The following SLC38A4 variants were observed in gnomAD, a reference collection of about 807,000 sequenced individuals.
SLC38A4 encodes the protein solute carrier family 38 member 4, also known as sodium-coupled neutral amino acid transporter 4.
In SLC38A4, 20 loss-of-function variants were observed where a neutral mutation model predicts 63.1. That is an observed-to-expected ratio of 0.32 (90% CI 0.22 to 0.46). The LOEUF (loss-of-function observed/expected upper bound fraction) is 0.46, where lower values mean the gene tolerates loss of function less well. Ranked by LOEUF, SLC38A4 falls within the 20% of genes least tolerant of loss-of-function variation. SLC38A4 has a pLI of 1.00. For missense variants in SLC38A4, 526 were observed against 663.6 expected (o/e 0.79, Z 2.28); for synonymous variants, 230 against 225.5 (o/e 1.02, Z -0.18).
intron 14 of SLC38A4, 85 bp downstream of exon 14, chr12:46,774,964 A>G (rs1938492163): frequency 6.8e-7 from 1 of 1,473,882 alleles, no homozygotes; most frequent in Admixed American, 2.0e-5. Context: ...AACTCACCCT[A>G]TAATTAAATC....
intron 2 of SLC38A4, among the ~76,000 whole-genome samples, chr12:46,802,443 C>G (rs1939149768): frequency 1.3e-5 from 2 of 151,932 alleles, no homozygotes; most frequent in African/African-American, 2.4e-5. Flanking sequence ...TAAACTAACT[C>G]ACATAACTAA....
intron 1 of SLC38A4, among the ~76,000 whole-genome samples, chr12:46,814,629 A>G (rs764337592): frequency 1.3e-5 from 2 of 151,970 alleles, no homozygotes; most frequent in Non-Finnish European, 2.9e-5. Context: ...CTAATTGCCA[A>G]AACAGCCACA....
chr12:46,803,458 G>C (rs1288844870), intron 2 of SLC38A4, 145 bp downstream of exon 2: 1 of 151,874 alleles, frequency 6.6e-6, no homozygotes, highest in Admixed American at 6.6e-5. Context: ...ATACTGAATT[G>C]ATCATTTCTA....
chr12:46,766,610 T>G lies in SLC38A4; in HGVS notation c.*91A>C. The G allele has an allele frequency of 1.1e-6, 1 of 913,786 alleles. No individual in the cohort carries two copies. Among genetic ancestry groups the G allele is most frequent in the Non-Finnish European group, 1.8e-6 (1 of 568,600 alleles). 56.6% of individuals were successfully genotyped at this position (913,786 alleles called of 1,614,324 possible). A position where few individuals can be genotyped will look rare whatever the true frequency, so the allele number is the denominator to read the frequency against. On this transcript the variant is annotated 3_prime_UTR_variant, in exon 17 of 17. Coordinates refer to ENST00000266579, the MANE Select transcript of SLC38A4 (RefSeq NM_018018.5). Reference sequence around the variant, plus strand: ...TTTGGAATCTTCCTGTTATTTCCTATGAATAACATTCCAATCAAGATAATT... The same window carrying G: ...TTTGGAATCTTCCTGTTATTTCCTAGGAATAACATTCCAATCAAGATAATT...
At chr12:46,778,199 G>A (rs1239821049) in intron 12 of SLC38A4, 90 bp downstream of exon 12, 2 of 1,240,838 alleles carry the variant, frequency 1.6e-6, no homozygotes, top group East Asian at 4.7e-5. Context: ...TGAAGAGGAA[G>A]CTATAAACTG....
intron 14 of SLC38A4, among the ~76,000 whole-genome samples, chr12:46,771,579 C>T (rs978836734): frequency 1.8e-4 from 28 of 152,128 alleles, no homozygotes; most frequent in Admixed American, 6.6e-5. Context: ...GCAAAAGCTT[C>T]TTCCTCTTTC....
In SLC38A4 at chr12:46,775,128, G is replaced by A; in HGVS notation, c.1220C>T (p.Thr407Ile). The change falls in exon 14 of 17, where the codon ACA (threonine) becomes ATA (isoleucine). Residue 407 changes from threonine (T) to isoleucine (I), a missense_variant. Thr to Ile is a moderately conservative substitution (Grantham distance 89). Transcript: ENST00000266579. Reference sequence around the variant, plus strand: ...AACCATGAGAAGAGGGATGTCTAATGTATACACTTTGCTGTAGGCATGAAG... The same window carrying A: ...AACCATGAGAAGAGGGATGTCTAATATATACACTTTGCTGTAGGCATGAAG... ...ELLHAYSKVY[T>I]LDIPLLMVRL... is the part of the protein sequence containing the mutation. 4 of 1,612,688 alleles carry A rather than the reference G, an allele frequency of 2.5e-6. No homozygotes were observed. Among genetic ancestry groups the A allele is most frequent in the Non-Finnish European group, 3.4e-6 (4 of 1,179,082 alleles).
At chr12:46,810,662 G>A (rs1939322566) in intron 1 of SLC38A4, among the ~76,000 whole-genome samples, 1 of 151,808 alleles carries the variant, frequency 6.6e-6, no homozygotes, top group Non-Finnish European at 1.5e-5. Flanking sequence ...TGGAAATGTA[G>A]ATAGTGTCTA....
Position 46,788,590 on chromosome 12 carries a change from G to C in SLC38A4, c.148C>G (p.Gln50Glu). The C allele has an allele frequency of 1.2e-6, 2 of 1,613,534 alleles. No individual in the cohort carries two copies. Among genetic ancestry groups the C allele is most frequent in the Non-Finnish European group, 8.5e-7 (1 of 1,179,836 alleles). ...AAAAATCCATTTGTCAGGAATTTCT[G>C]ACTTTCAGTGTCTTCATTAGCAAAT... Reference protein sequence around the residue: ...SQFANEDTESQKFLTNGFLGK... With the variant: ...SQFANEDTESEKFLTNGFLGK... The change falls in exon 4 of 17, where the codon CAG (glutamine) becomes GAG (glutamate). Residue 50 changes from glutamine to glutamate, a missense_variant. Physicochemically the swap from Gln to Glu is conservative, Grantham distance 29. Coordinates refer to ENST00000266579, the MANE Select transcript of SLC38A4 (RefSeq NM_018018.5).
At chr12:46,804,037 A>C (rs1939182886) in intron 1 of SLC38A4, among the ~76,000 whole-genome samples, 1 of 152,104 alleles carries the variant, frequency 6.6e-6, no homozygotes, top group East Asian at 1.9e-4. Context: ...AAAACAATAC[A>C]GTAACAATAG....
At chr12:46,812,559 T>G (rs540427288) in intron 1 of SLC38A4, among the ~76,000 whole-genome samples, 1 of 152,158 alleles carries the variant, frequency 6.6e-6, no homozygotes, top group Admixed American at 6.6e-5. Flanking sequence ...TGTATGAGCT[T>G]TTTTCTCATT....
rs529284325 is a variant in SLC38A4 at position 46,809,110 on chromosome 12, C to G, written c.-304-5316G>C. Among the ~76,000 whole-genome samples the G allele has an allele frequency of 2.0e-5, 3 of 151,994 alleles. No homozygotes were observed. The South Asian group carries it at 6.2e-4, about 32-fold the overall frequency. Reference sequence around the variant, plus strand: ...TCATTAGTGATTGGACTTTGTAAACCTGTTATCATCTTGCTTAAATTTGGA... The same window carrying G: ...TCATTAGTGATTGGACTTTGTAAACGTGTTATCATCTTGCTTAAATTTGGA... On this transcript the variant is annotated intron_variant, in intron 1 of 16. Transcript: ENST00000266579.
At chr12:46,802,277 T>A (rs559675704) in intron 2 of SLC38A4, among the ~76,000 whole-genome samples, 13 of 152,196 alleles carry the variant, frequency 8.5e-5, no homozygotes, top group Non-Finnish European at 1.8e-4. Context: ...ATACATGATA[T>A]TAACATAGTG....
intron 7 of SLC38A4, among the ~76,000 whole-genome samples, chr12:46,783,054 G>GTGTGCGTA (rs1938678168): frequency 1.4e-5 from 2 of 148,052 alleles, no homozygotes; most frequent in Middle Eastern, 3.2e-3. Context: ...GTGTGTGTGT[G>GTGTGCGTA]TGTGTTAGGG....
chr12:46,779,512 C>T, intron 10 of SLC38A4, 99 bp downstream of exon 10: 1 of 892,478 alleles, frequency 1.1e-6, no homozygotes, highest in Non-Finnish European at 1.8e-6. Context: ...AGAACTATTT[C>T]ATATTAGTGA....
chr12:46,824,991 CCTCT>C (rs1259436625), intron 1 of SLC38A4, among the ~76,000 whole-genome samples: 3 of 152,120 alleles, frequency 2.0e-5, no homozygotes, highest in Non-Finnish European at 2.9e-5. Context: ...GTTTAGGTGG[CCTCT>C]CTGTGCAACT....
At position 46,778,368 on chromosome 12, in the gene SLC38A4, T is replaced by C; in HGVS notation, c.994A>G (p.Thr332Ala). 1 of 1,612,592 alleles carries C rather than the reference T, an allele frequency of 6.2e-7. No individual in the cohort carries two copies. The highest frequency in any genetic ancestry group is 1.3e-5 in the African/African-American group (1 of 74,902). Residue 332 changes from threonine to alanine, a missense_variant and splice_region_variant, in exon 12 of 17, where the codon ACG (threonine) becomes GCG (alanine). By Grantham distance (58) the Thr-to-Ala change is moderately conservative. Coordinates refer to ENST00000266579, the MANE Select transcript of SLC38A4 (RefSeq NM_018018.5). ...EPKYFVFNSR[T>A]AYAIPILVFA... is the part of the protein sequence containing the mutation. ...ACTAGGATAGGAATTGCATAGGCCG[T>C]CTGAAAAACAAAGACAACACCACGT... is the stretch of plus-strand genomic sequence containing the variant.
At chr12:46,783,789 T>C (rs1166958599) in intron 7 of SLC38A4, among the ~76,000 whole-genome samples, 1 of 151,678 alleles carries the variant, frequency 6.6e-6, no homozygotes, top group Non-Finnish European at 1.5e-5. Flanking sequence ...AGGGAGTAAG[T>C]GTCATTATGT....
upstream of SLC38A4, among the ~76,000 whole-genome samples, chr12:46,829,354 A>T (rs1245939566): frequency 6.6e-6 from 1 of 152,174 alleles, no homozygotes; most frequent in Non-Finnish European, 1.5e-5. Flanking sequence ...AAAACTGTGT[A>T]ATCATTTTGA....
Sources: gnomAD v4.1 joint callset for allele counts (sites outside exome capture counted in the v4.1 genomes callset) on GRCh38, gnomAD v4.1.1 for gene constraint, MANE v1.5 for transcripts, NCBI Gene and HGNC (gene_info 2026-07-23, HGNC 2026-07-21) for gene names.